The following NIPBL variants were observed in gnomAD, a reference collection of about 807,000 sequenced individuals.
The protein encoded by NIPBL is NIPBL cohesin loading factor, also known as nipped-B-like protein.
NIPBL carries 19 observed loss-of-function variants against 321.8 expected under a neutral mutation model. The ratio of observed to expected loss-of-function variants is 0.06; its 90% CI spans 0.04 to 0.09. The LOEUF is 0.09. Ranked by LOEUF, NIPBL falls within the 10% of genes least tolerant of loss-of-function variation. The probability of loss-of-function intolerance (pLI) is 1.00; values close to 1 mark genes in which losing one functional copy is unlikely to be tolerated. For synonymous variants in NIPBL, 1,106 were observed against 1,114.1 expected (o/e 0.99, Z 0.14); for missense variants, 2,210 against 3,327.0 (o/e 0.66, Z 8.26).
chr5:36,991,399 GAATTT>G (rs554999165), intron 10 of NIPBL, among the ~76,000 whole-genome samples: 23 of 152,082 alleles, frequency 1.5e-4, no homozygotes, highest in African/African-American at 5.1e-4. Flanking sequence ...TAATTGAATT[GAATTT>G]ATCTAATGAA....
At chr5:37,040,411 T>C (rs1752203579) in intron 34 of NIPBL, among the ~76,000 whole-genome samples, 1 of 152,164 alleles carries the variant, frequency 6.6e-6, no homozygotes, top group Non-Finnish European at 1.5e-5. Flanking sequence ...AACATACTTT[T>C]ATAGTTGTGG....
intron 1 of NIPBL, among the ~76,000 whole-genome samples, chr5:36,897,224 G>C (rs968310671): frequency 6.6e-6 from 1 of 151,756 alleles, no homozygotes; most frequent in African/African-American, 2.4e-5. Context: ...GACTAGTCTT[G>C]AACTCCTGAC....
chr5:37,005,480 C>T (rs760386750), intron 16 of NIPBL, among the ~76,000 whole-genome samples: 3 of 152,074 alleles, frequency 2.0e-5, no homozygotes, highest in Non-Finnish European at 4.4e-5. Context: ...TTGTGGATAG[C>T]CTTAACGTTT....
At chr5:36,970,235 A>G (rs1742699895) in intron 6 of NIPBL, among the ~76,000 whole-genome samples, 1 of 151,932 alleles carries the variant, frequency 6.6e-6, no homozygotes, top group Non-Finnish European at 1.5e-5. Context: ...CCAAAAAAAG[A>G]AAAAGCCAGA....
chr5:36,920,324 ATAAAG>A (rs1225183844), intron 1 of NIPBL, among the ~76,000 whole-genome samples: 13 of 152,210 alleles, frequency 8.5e-5, no homozygotes, highest in African/African-American at 2.9e-4. Flanking sequence ...AAAGAAAAAC[ATAAAG>A]TAAATAATAG....
chr5:37,056,022 A>G (rs1471473320), intron 42 of NIPBL, among the ~76,000 whole-genome samples: 1 of 152,134 alleles, frequency 6.6e-6, no homozygotes, highest in Non-Finnish European at 1.5e-5. Context: ...GGAGCAGTCT[A>G]AACTATTCTT....
At chr5:36,904,913 A>G (rs997263146) in intron 1 of NIPBL, among the ~76,000 whole-genome samples, 7 of 152,198 alleles carry the variant, frequency 4.6e-5, no homozygotes, top group African/African-American at 1.4e-4. Context: ...CATATTCTAT[A>G]TTTGTTAGAA....
chr5:37,025,805 A>G (rs1160521989), intron 30 of NIPBL, among the ~76,000 whole-genome samples: 1 of 152,134 alleles, frequency 6.6e-6, no homozygotes, highest in Non-Finnish European at 1.5e-5. Context: ...TTATGTATCC[A>G]TAAAAAAAAA....
At chr5:37,009,973 A>G (rs1419626815) in intron 20 of NIPBL, 114 bp from the exon 21 acceptor site, 1 of 826,870 alleles carries the variant, frequency 1.2e-6, no homozygotes, top group Non-Finnish European at 2.0e-6. Flanking sequence ...AATAAGCACT[A>G]AGATCATGCC....
At chr5:36,894,334 C>A (rs925979778) in intron 1 of NIPBL, among the ~76,000 whole-genome samples, 24 of 149,494 alleles carry the variant, frequency 1.6e-4, no homozygotes, top group East Asian at 1.9e-4. Flanking sequence ...GTGAAGTATC[C>A]AAAAAAAAAC....
intron 16 of NIPBL, among the ~76,000 whole-genome samples, chr5:37,003,628 C>T (rs182985459): frequency 1.1e-4 from 16 of 152,152 alleles, no homozygotes; most frequent in African/African-American, 3.6e-4. Context: ...GGCATGCACT[C>T]GAGGTCTTGG....
intron 10 of NIPBL, among the ~76,000 whole-genome samples, chr5:36,994,731 C>A (rs1276322520): frequency 1.3e-5 from 2 of 152,048 alleles, no homozygotes; most frequent in Non-Finnish European, 2.9e-5. Flanking sequence ...GTAGCTTTTG[C>A]TACTTCTACT....
At chr5:36,976,502 T>A in intron 9 of NIPBL, 100 bp downstream of exon 9, 1 of 1,166,256 alleles carries the variant, frequency 8.6e-7, no homozygotes, top group Non-Finnish European at 1.2e-6. Context: ...ATATTTTGTA[T>A]AATTTATGTC....
At chr5:36,901,378 G>T (rs1331513908) in intron 1 of NIPBL, among the ~76,000 whole-genome samples, 1 of 151,834 alleles carries the variant, frequency 6.6e-6, no homozygotes, top group East Asian at 1.9e-4. Context: ...CCATGTCTTT[G>T]CTATTGTGAA....
chr5:36,997,033 G>A (rs992394027), intron 11 of NIPBL: 1 of 152,246 alleles, frequency 6.6e-6, no homozygotes, highest in Non-Finnish European at 1.5e-5. Context: ...TGTTATAATT[G>A]TATTATGAAA....
chr5:36,966,701 T>C (rs1742248003), intron 6 of NIPBL, among the ~76,000 whole-genome samples: 1 of 152,138 alleles, frequency 6.6e-6, no homozygotes, highest in Non-Finnish European at 1.5e-5. Context: ...TTTAAAATTT[T>C]ATCATTCTAA....
At chr5:36,987,703 A>G (rs1744988089) in intron 10 of NIPBL, among the ~76,000 whole-genome samples, 1 of 152,176 alleles carries the variant, frequency 6.6e-6, no homozygotes, top group South Asian at 2.1e-4. Context: ...TGAGTCGCTA[A>G]TATTTGTGTT....
chr5:36,896,040 G>T (rs1301798523), intron 1 of NIPBL, among the ~76,000 whole-genome samples: 1 of 151,602 alleles, frequency 6.6e-6, no homozygotes, highest in African/African-American at 2.4e-5. Context: ...GACAGGAAAA[G>T]TTACACCCGT....
intron 9 of NIPBL, chr5:36,982,373 C>G (rs1311328157): frequency 5.7e-6 from 1 of 176,516 alleles, no homozygotes; most frequent in Non-Finnish European, 1.1e-5. Flanking sequence ...GGAGTAAGTT[C>G]ATGGTGGAAT....
Sources: allele counts gnomAD v4.1 joint callset (sites outside exome capture counted in the v4.1 genomes callset), GRCh38; gene constraint gnomAD v4.1.1; transcripts MANE v1.5; gene names NCBI Gene and HGNC (gene_info 2026-07-23, HGNC 2026-07-21).